The following KCNT2 variants were observed in gnomAD, a reference collection of about 807,000 sequenced individuals.
The protein encoded by KCNT2 is potassium sodium-activated channel subfamily T member 2, also known as potassium channel subfamily T member 2.
KCNT2 carries 67 observed loss-of-function variants against 153.8 expected under a neutral mutation model. The ratio of observed to expected loss-of-function variants is 0.44; its 90% confidence interval spans 0.36 to 0.53. KCNT2 has a LOEUF of 0.53. Ranked by LOEUF, KCNT2 falls within the 20% of genes least tolerant of loss-of-function variation. The pLI is 0.00. For missense variants in KCNT2, 975 were observed against 1,354.8 expected (o/e 0.72, Z 4.40); for synonymous variants, 500 against 458.8 (o/e 1.09, Z -1.15).
chr1:196,413,153 T>G (rs751178017), intron 12 of KCNT2, among the ~76,000 whole-genome samples: 2 of 151,690 alleles, frequency 1.3e-5, no homozygotes, highest in Admixed American at 6.6e-5. Context: ...ACCACTTTTA[T>G]TTTCAAATGT....
intron 5 of KCNT2, among the ~76,000 whole-genome samples, chr1:196,478,243 G>A (rs948618732): frequency 6.6e-6 from 1 of 152,188 alleles, no homozygotes. Context: ...AAATCTTACT[G>A]TCAGTTTTCC....
intron 1 of KCNT2, among the ~76,000 whole-genome samples, chr1:196,500,037 G>A (rs866052923): frequency 4.6e-5 from 7 of 151,962 alleles, no homozygotes; most frequent in African/African-American, 1.7e-4. Context: ...CCAGCTACTT[G>A]GGAGACAGAG....
chr1:196,415,923 T>G (rs1287994928), intron 12 of KCNT2, among the ~76,000 whole-genome samples: 1 of 151,946 alleles, frequency 6.6e-6, no homozygotes, highest in Admixed American at 6.6e-5. Flanking sequence ...AGTGCCCCCA[T>G]CCACAGTTTT....
At chr1:196,515,560 A>G (rs1350292125) in intron 1 of KCNT2, among the ~76,000 whole-genome samples, 2 of 152,228 alleles carry the variant, frequency 1.3e-5, no homozygotes, top group African/African-American at 4.8e-5. Flanking sequence ...CTTTGTGAAA[A>G]TAACTGAGAA....
At position 196,474,279 on chromosome 1, in the gene KCNT2, A is replaced by T. The variant is rs1678343305; in HGVS notation, c.384+4900T>A. On this transcript the variant is annotated intron_variant, in intron 5 of 27. Coordinates refer to ENST00000294725, the MANE Select transcript of KCNT2 (RefSeq NM_198503.5). ...AGCAGTTCATTTGTTGCAAGCCCCA[A>T]TTCAGCCAAGGAACATTTTGTAAAT... is the stretch of plus-strand genomic sequence containing the variant. Among the ~76,000 whole-genome samples the T allele has an allele frequency of 1.3e-5, 2 of 152,262 alleles. 1 individual carries two copies. Among genetic ancestry groups the T allele is most frequent in the South Asian group, 4.1e-4 (2 of 4,820 alleles).
chr1:196,510,817 C>A (rs565701697), intron 1 of KCNT2, among the ~76,000 whole-genome samples: 2 of 152,234 alleles, frequency 1.3e-5, no homozygotes, highest in African/African-American at 4.8e-5. Flanking sequence ...GCCTACAACA[C>A]AAAGTTTGTA....
chr1:196,316,123 T>G, intron 20 of KCNT2, 97 bp from the exon 21 acceptor site: 1 of 1,126,182 alleles, frequency 8.9e-7, no homozygotes, highest in Non-Finnish European at 1.2e-6. Context: ...CTTATATAAG[T>G]TGCCTTTAGA....
intron 1 of KCNT2, among the ~76,000 whole-genome samples, chr1:196,599,661 G>A (rs1664490992): frequency 6.6e-6 from 1 of 152,200 alleles, no homozygotes; most frequent in Non-Finnish European, 1.5e-5. Context: ...AAGAGTTGGA[G>A]ATGTGCTGCC....
intron 14 of KCNT2, among the ~76,000 whole-genome samples, chr1:196,352,490 C>T (rs1666805345): frequency 6.6e-6 from 1 of 152,134 alleles, no homozygotes; most frequent in Admixed American, 6.6e-5. Flanking sequence ...AGTTTATTTG[C>T]ACAGAGGTGT....
intron 26 of KCNT2, among the ~76,000 whole-genome samples, chr1:196,241,219 AG>A (rs1654930273): frequency 6.6e-6 from 1 of 150,686 alleles, no homozygotes; most frequent in Non-Finnish European, 1.5e-5. Context: ...TTGTTTTGTT[AG>A]TACAAGAAAT....
chr1:196,581,155 T>C (rs948000058), intron 1 of KCNT2, among the ~76,000 whole-genome samples: 1 of 152,140 alleles, frequency 6.6e-6, no homozygotes, highest in Admixed American at 6.6e-5. Flanking sequence ...TTTTTACCTT[T>C]CTGTACCACA....
At chr1:196,382,558 G>A (rs921145724) in intron 13 of KCNT2, among the ~76,000 whole-genome samples, 1 of 152,064 alleles carries the variant, frequency 6.6e-6, no homozygotes, top group East Asian at 1.9e-4. Flanking sequence ...TAAAGATTAA[G>A]GAAGGAAAAA....
intron 9 of KCNT2, 93 bp downstream of exon 9, chr1:196,429,480 TTAGA>T: frequency 1.5e-6 from 1 of 674,934 alleles, no homozygotes; most frequent in South Asian, 2.8e-5. Context: ...TAAATTAGTG[TTAGA>T]TAAATAAGCC....
intron 1 of KCNT2, among the ~76,000 whole-genome samples, chr1:196,568,504 G>A (rs573158303): frequency 6.6e-6 from 1 of 151,036 alleles, no homozygotes; most frequent in South Asian, 2.1e-4. Context: ...CCTGAGGCAG[G>A]AAAATGGAGT....
At chr1:196,533,314 C>T (rs1472945195) in intron 1 of KCNT2, among the ~76,000 whole-genome samples, 3 of 151,776 alleles carry the variant, frequency 2.0e-5, no homozygotes, top group African/African-American at 7.3e-5. Flanking sequence ...GAAAATTATC[C>T]CTTACAAAAG....
At position 196,604,054 on chromosome 1, in the gene KCNT2, C is replaced by A. The variant is rs563024429; in HGVS notation, c.95+4161G>T. On this transcript the variant is annotated intron_variant, in intron 1 of 27. Transcript: ENST00000294725. ...ATCCCAGCACTTTGGGAGTCCAAGG[C>A]AGGAAGATGGCTTGGTGCCAGAAGT... is the stretch of plus-strand genomic sequence containing the variant. Among the ~76,000 whole-genome samples, 15 of 152,310 alleles carry A rather than the reference C, an allele frequency of 9.8e-5. No individual in the cohort carries two copies. In the South Asian group the frequency reaches 3.1e-3, roughly 32 times the overall value.
intron 8 of KCNT2, among the ~76,000 whole-genome samples, chr1:196,449,435 T>C (rs1259637103): frequency 6.6e-6 from 1 of 151,632 alleles, no homozygotes. Context: ...ACCTGGATTA[T>C]TAGGGAAAAT....
intron 26 of KCNT2, among the ~76,000 whole-genome samples, chr1:196,242,745 T>C (rs897509767): frequency 5.3e-5 from 8 of 152,156 alleles, no homozygotes; most frequent in African/African-American, 1.9e-4. Flanking sequence ...CAGACCCTTT[T>C]AGCAATTTTC....
At chr1:196,604,710 T>C (rs1448096807) in intron 1 of KCNT2, among the ~76,000 whole-genome samples, 2 of 151,292 alleles carry the variant, frequency 1.3e-5, no homozygotes, top group Non-Finnish European at 2.9e-5. Context: ...ATTCATTACA[T>C]ATATTATAAT....
Sources: allele counts gnomAD v4.1 joint callset (sites outside exome capture counted in the v4.1 genomes callset), GRCh38; gene constraint gnomAD v4.1.1; transcripts MANE v1.5; gene names NCBI Gene and HGNC (gene_info 2026-07-23, HGNC 2026-07-21).